Variants in OR9Q2 observed in about 807,000 individuals in gnomAD.
The protein encoded by OR9Q2 is olfactory receptor 9Q2.
Under a neutral mutation model 2.3 loss-of-function variants are expected in OR9Q2, and 2 were observed. That is an observed-to-expected ratio of 0.85 (90% CI 0.35 to 2.68). The LOEUF is 2.68. OR9Q2 is among the 30% of genes most tolerant of loss of function. OR9Q2 has a pLI of 0.10. For missense variants in OR9Q2, 404 were observed against 395.7 expected, an observed-to-expected ratio of 1.02 and a Z score of -0.18; for synonymous variants, 178 against 158.6, an observed-to-expected ratio of 1.12 and a Z score of -0.92.
chr11:58,191,747 A>G lies in OR9Q2; in HGVS notation c.*312A>G. 5.1e-6 allele frequency: 1 copy of G among 196,206 alleles called. No individual in the cohort carries two copies. The highest frequency in any genetic ancestry group is 1.0e-5 in the Non-Finnish European group (1 of 95,554). The allele number at this position is 196,206 out of a possible 1,614,324, so 12.2% of individuals were successfully genotyped here. ...GCACCTAGCATGTGAAAGGCACTCA[A>G]TAAATATTTGTTGAGTGAATGAATC... On this transcript the variant is annotated 3_prime_UTR_variant, in exon 2 of 2. Transcript: ENST00000641291.
chr11:58,192,200 C>T lies in OR9Q2; in HGVS notation c.*765C>T, dbSNP rs574663062. 2.0e-5 allele frequency: 3 copies of T among 151,576 alleles called. No homozygotes were observed. In the East Asian group the frequency reaches 5.8e-4, roughly 29 times the overall value. 9.4% of individuals were successfully genotyped at this position (151,576 alleles called of 1,614,324 possible). A position where few individuals can be genotyped will look rare whatever the true frequency, so the allele number is the denominator to read the frequency against. On this transcript the variant is annotated 3_prime_UTR_variant, in exon 2 of 2. Transcript: ENST00000641291. ...TCTTCCAGGACTTACAATAAGTTTG[C>T]TACAGGAATTATTTGATTTAATTTA...
Position 58,191,704 on chromosome 11 carries a change from T to C in OR9Q2, c.*269T>C, listed in dbSNP as rs867406347. 2 of 281,512 alleles carry C rather than the reference T, an allele frequency of 7.1e-6. No homozygotes were observed. The highest frequency in any genetic ancestry group is 1.0e-3 in the Middle Eastern group (1 of 982). The allele number at this position is 281,512 out of a possible 1,614,324, so 17.4% of individuals were successfully genotyped here. ...TTTTTATCTGAGCTTCATTTCTATA[T>C]GTCCAGTTCCTAGCAAAGCACCTAG... On this transcript the variant is annotated 3_prime_UTR_variant, in exon 2 of 2. Transcript: ENST00000641291.
rs1384301145 is a variant in OR9Q2 at position 58,190,854 on chromosome 11, C to T, written c.364C>T (p.Arg122Cys). The stretch of plus-strand genomic sequence containing the variant: ...CCTTCTGGCCATCATGGCCTATGAC[C>T]GCTACACGGCCGTGTGCCAGCCCCT... ...CYLLAIMAYD[R>C]YTAVCQPLLY... Residue 122 changes from arginine (R) to cysteine (C), a missense_variant, in exon 2 of 2, where the codon CGC (arginine) becomes TGC (cysteine). Arg to Cys is a radical substitution (Grantham distance 180, BLOSUM62 -3). Transcript: ENST00000641291. 6.2e-7 allele frequency: 1 copy of T among 1,614,196 alleles called. No homozygotes were observed. The highest frequency in any genetic ancestry group is 2.2e-5 in the East Asian group (1 of 44,866).
At position 58,192,116 on chromosome 11, in the gene OR9Q2, A is replaced by AAATAATAATAATAATAATAATAATAAT. The variant is rs3061594; in HGVS notation, c.*686_*712dup. The AAATAATAATAATAATAATAATAATAAT allele has an allele frequency of 2.1e-5, 3 of 145,586 alleles. No individual in the cohort carries two copies. The highest frequency in any genetic ancestry group is 3.0e-5 in the Non-Finnish European group (2 of 66,524). 9.0% of individuals were successfully genotyped at this position (145,586 alleles called of 1,614,324 possible). A position where few individuals can be genotyped will look rare whatever the true frequency, so the allele number is the denominator to read the frequency against. ...TGTGATTTTTGAATAACAATGAGGA[A>AAATAATAATAATAATAATAATAATAAT]AATAATAATAATAATAATAATAATA... On this transcript the variant is annotated 3_prime_UTR_variant, in exon 2 of 2. Transcript: ENST00000641291.
intron 1 of OR9Q2, 78 bp from the exon 2 acceptor site, chr11:58,190,241 G>T: frequency 2.1e-6 from 1 of 474,860 alleles, no homozygotes; most frequent in Non-Finnish European, 3.7e-6. Flanking sequence ...TACAAGCGCT[G>T]ACTTGTAAGT....
intron 1 of OR9Q2, 27 bp from the exon 2 acceptor site, chr11:58,190,292 T>C (rs1590632906): frequency 3.6e-6 from 2 of 553,054 alleles, no homozygotes; most frequent in Non-Finnish European, 6.4e-6. Flanking sequence ...AATAGAAGCA[T>C]TCATCACTTT....
rs1247012001 is a variant in OR9Q2, at chr11:58,191,891, C to G, written c.*456C>G. The stretch of plus-strand genomic sequence containing the variant: ...TTTGAGGATCCAATGCATAAATGGA[C>G]AAGGATCGCCTCTGTCTTATTCACT... On this transcript the variant is annotated 3_prime_UTR_variant, in exon 2 of 2. Coordinates refer to ENST00000641291, the MANE Select transcript of OR9Q2 (RefSeq NM_001005283.3). The G allele has an allele frequency of 6.4e-6, 1 of 157,212 alleles. No homozygotes were observed. Among genetic ancestry groups the G allele is most frequent in the Non-Finnish European group, 1.4e-5 (1 of 70,852 alleles). 9.7% of individuals were successfully genotyped at this position (157,212 alleles called of 1,614,324 possible). A position where few individuals can be genotyped will look rare whatever the true frequency, so the allele number is the denominator to read the frequency against.
rs1312149891 is a variant in OR9Q2, at chr11:58,190,813, C to T, written c.323C>T (p.Ala108Val). 6.2e-7 allele frequency: 1 copy of T among 1,614,118 alleles called. No homozygotes were observed. The highest frequency in any genetic ancestry group is 8.5e-7 in the Non-Finnish European group (1 of 1,180,056). The change falls in exon 2 of 2, where the codon GCC becomes GTC. Residue 108 changes from alanine (A) to valine (V), a missense_variant. Ala to Val is a moderately conservative substitution (Grantham distance 64). Transcript: ENST00000641291. Reference protein sequence around the residue: ...AAQFFLFTFFASIDCYLLAIM... With the variant: ...AAQFFLFTFFVSIDCYLLAIM... The stretch of plus-strand genomic sequence containing the variant: ...CAGTTCTTCCTCTTCACCTTCTTTG[C>T]CTCCATCGACTGCTACCTTCTGGCC...
rs1204059215 is a variant in OR9Q2 at position 58,193,461 on chromosome 11, C to A, written c.*2026C>A. On this transcript the variant is annotated 3_prime_UTR_variant, in exon 2 of 2. Transcript: ENST00000641291. ...AATGAAAAGTAATTTTTATTGACCC[C>A]ATTTAGCAAAACAAAAAAGAAAATC... The A allele has an allele frequency of 2.6e-5, 4 of 152,126 alleles. No homozygotes were observed. The highest frequency in any genetic ancestry group is 9.7e-5 in the African/African-American group (4 of 41,418). 9.4% of individuals were successfully genotyped at this position (152,126 alleles called of 1,614,324 possible).
chr11:58,190,555 A>G lies in OR9Q2; in HGVS notation c.65A>G (p.Gln22Arg), dbSNP rs1376595850. The change falls in exon 2 of 2, where the codon CAG becomes CGG. Residue 22 changes from glutamine to arginine, a missense_variant. Coordinates refer to ENST00000641291, the MANE Select transcript of OR9Q2 (RefSeq NM_001005283.3). ...FFLTAFTEHL[Q>R]WRVPLFLIFL... ...CTTACTGCATTTACTGAACATCTCC[A>G]GTGGAGGGTTCCTCTCTTCCTCATA... is the stretch of plus-strand genomic sequence containing the variant. The G allele has an allele frequency of 4.3e-6, 7 of 1,614,006 alleles. No homozygotes were observed. Among genetic ancestry groups the G allele is most frequent in the Non-Finnish European group, 5.9e-6 (7 of 1,179,968 alleles).
rs752426973 is a variant in OR9Q2 at position 58,190,992 on chromosome 11, T to G, written c.502T>G (p.Phe168Val). 1.2e-6 allele frequency: 2 copies of G among 1,614,080 alleles called. No individual in the cohort carries two copies. The highest frequency in any genetic ancestry group is 2.2e-5 in the South Asian group (2 of 91,092). The part of the protein sequence containing the change: ...VRTVTAFTLS[F>V]CGNNEINFIF... ...AACGGTCACAGCCTTCACTCTCTCC[T>G]TTTGTGGAAACAATGAGATCAACTT... is the stretch of plus-strand genomic sequence containing the variant. Residue 168 changes from phenylalanine to valine, a missense_variant, in exon 2 of 2, where the codon TTT becomes GTT. By Grantham distance (50) the Phe-to-Val change is conservative (BLOSUM62 -1). Coordinates refer to ENST00000641291, the MANE Select transcript of OR9Q2 (RefSeq NM_001005283.3).
At position 58,191,030 on chromosome 11, in the gene OR9Q2, C is replaced by T. The variant is rs1565101570; in HGVS notation, c.540C>T (p.Asp180=). Residue 180 remains aspartate, a synonymous_variant, in exon 2 of 2, where the codon GAC becomes GAT. Coordinates refer to ENST00000641291, the MANE Select transcript of OR9Q2 (RefSeq NM_001005283.3). ...ATGAGATCAACTTCATTTTCTGTGA[C>T]CTCCCTCCTCTATTAAAACTCTCCT... ...GNNEINFIFC[D]LPPLLKLSCG... 9 of 1,614,194 alleles carry T rather than the reference C, an allele frequency of 5.6e-6. No homozygotes were observed. The highest frequency in any genetic ancestry group is 7.6e-6 in the Non-Finnish European group (9 of 1,180,026).
Position 58,192,189 on chromosome 11 carries a change from CAAT to C in OR9Q2, c.*757_*759del, listed in dbSNP as rs544500321. The stretch of plus-strand genomic sequence containing the variant: ...AGGCATTATTATCTTCCAGGACTTA[CAAT>C]AAGTTTGCTACAGGAATTATTTGAT... On this transcript the variant is annotated 3_prime_UTR_variant, in exon 2 of 2. Transcript: ENST00000641291. 270 of 151,246 alleles carry C rather than the reference CAAT, an allele frequency of 1.8e-3. 1 individual carries two copies. The highest frequency in any genetic ancestry group is 6.2e-3 in the African/African-American group (255 of 41,254). 9.4% of individuals were successfully genotyped at this position (151,246 alleles called of 1,614,324 possible).
Position 58,190,415 on chromosome 11 carries a change from A to C in OR9Q2, c.-76A>C, listed in dbSNP as rs1854746691. 1 of 958,806 alleles carries C rather than the reference A, an allele frequency of 1.0e-6. No individual in the cohort carries two copies. The highest frequency in any genetic ancestry group is 1.6e-5 in the African/African-American group (1 of 61,410). 59.4% of individuals were successfully genotyped at this position (958,806 alleles called of 1,614,324 possible). On this transcript the variant is annotated 5_prime_UTR_variant, in exon 2 of 2. Coordinates refer to ENST00000641291, the MANE Select transcript of OR9Q2 (RefSeq NM_001005283.3). ...ATTCAATTTAAAGCTTTGTTACTTG[A>C]AATCATTTGAACTCCTCTTGAGCTG... is the stretch of plus-strand genomic sequence containing the variant.
Position 58,190,829 on chromosome 11 carries a change from C to A in OR9Q2, c.339C>A (p.Tyr113Ter). 6.2e-7 allele frequency: 1 copy of A among 1,614,222 alleles called. No homozygotes were observed. Residue 113 changes from tyrosine to a stop codon, truncating the protein, a stop_gained, in exon 2 of 2, where the codon TAC (tyrosine) becomes TAA (stop). Transcript: ENST00000641291. LOFTEE classifies it high-confidence loss of function. ...LFTFFASIDC[Y>*]LLAIMAYDRY... ...CCTTCTTTGCCTCCATCGACTGCTA[C>A]CTTCTGGCCATCATGGCCTATGACC...
Position 58,190,489 on chromosome 11 carries a change from G to A in OR9Q2, c.-2G>A, listed in dbSNP as rs768905904. ...AGCCGTTGCAGGTGAACCACTGGAT[G>A]GATGGCTGAAAGGAATTACACCGTA... On this transcript the variant is annotated 5_prime_UTR_variant, in exon 2 of 2. An upstream start codon of the reference 5' UTR is lost. Transcript: ENST00000641291. The A allele has an allele frequency of 6.2e-6, 10 of 1,608,294 alleles. No individual in the cohort carries two copies. Among genetic ancestry groups the A allele is most frequent in the Non-Finnish European group, 8.5e-6 (10 of 1,175,618 alleles).
rs1224613984 is a variant in OR9Q2, at chr11:58,191,022, T to G, written c.532T>G (p.Phe178Val). ...FCGNNEINFI[F>V]CDLPPLLKLS... Reference sequence around the variant, plus strand: ...TGGAAACAATGAGATCAACTTCATTTTCTGTGACCTCCCTCCTCTATTAAA... The same window carrying G: ...TGGAAACAATGAGATCAACTTCATTGTCTGTGACCTCCCTCCTCTATTAAA... Residue 178 changes from phenylalanine (F) to valine (V), a missense_variant, in exon 2 of 2, where the codon TTC becomes GTC. Coordinates refer to ENST00000641291, the MANE Select transcript of OR9Q2 (RefSeq NM_001005283.3). The G allele has an allele frequency of 1.9e-6, 3 of 1,614,204 alleles. No homozygotes were observed. The highest frequency in any genetic ancestry group is 2.5e-6 in the Non-Finnish European group (3 of 1,180,038).
rs139641594 is a variant in OR9Q2, at chr11:58,191,195, C to T, written c.705C>T (p.Ala235=). ...ILQIHSAGGR[A]KTFSTCASHL... ...AGATCCACTCTGCTGGAGGCCGGGCCAAGACCTTCTCCACCTGCGCCTCCC... is the reference window on the plus strand; with the variant it reads ...AGATCCACTCTGCTGGAGGCCGGGCTAAGACCTTCTCCACCTGCGCCTCCC... The change falls in exon 2 of 2, where the codon GCC becomes GCT. Residue 235 remains alanine, a synonymous_variant. Transcript: ENST00000641291. The T allele has an allele frequency of 2.2e-5, 35 of 1,614,164 alleles. No individual in the cohort carries two copies. In the African/African-American group the frequency reaches 3.1e-4, roughly 14 times the overall value.
At position 58,190,909 on chromosome 11, in the gene OR9Q2, CCCGCTGGGGCCT is replaced by C; in HGVS notation, c.420_431del (p.Arg141_Leu144del). 2 of 1,614,234 alleles carry C rather than the reference CCCGCTGGGGCCT, an allele frequency of 1.2e-6. No individual in the cohort carries two copies. The highest frequency in any genetic ancestry group is 1.7e-6 in the Non-Finnish European group (2 of 1,180,048). On this transcript the variant is annotated inframe_deletion, in exon 2 of 2. Coordinates refer to ENST00000641291, the MANE Select transcript of OR9Q2 (RefSeq NM_001005283.3). ...TATGTCACCATCATAACCGAGAAGG[CCCGCTGGGGCCT>C]AGTCACTGGGGCTTACGTTGCTGGT...
Sources: gnomAD v4.1 joint callset for allele counts on GRCh38, gnomAD v4.1.1 for gene constraint, MANE v1.5 for transcripts, NCBI Gene and HGNC (gene_info 2026-07-23, HGNC 2026-07-21) for gene names.